CTPS2: variants seen among roughly 807,000 people sequenced by gnomAD.
The protein encoded by CTPS2 is CTP synthase II.
A neutral mutation model predicts 46.8 loss-of-function variants in CTPS2; 19 were observed. The ratio of observed to expected loss-of-function variants is 0.41; its 90% confidence interval spans 0.28 to 0.60. The LOEUF (loss-of-function observed/expected upper bound fraction) is 0.60. Ranked by LOEUF, CTPS2 falls within the 20% of genes least tolerant of loss-of-function variation. CTPS2 has a pLI of 0.35. For missense variants in CTPS2, 286 were observed against 447.6 expected, an observed-to-expected ratio of 0.64 and a Z score of 3.26; for synonymous variants, 151 against 165.2, an observed-to-expected ratio of 0.91 and a Z score of 0.66.
chrX:16,696,110 G>A (rs1452728297), intron 4 of CTPS2, among the ~76,000 whole-genome samples: 1 of 112,204 alleles, frequency 8.9e-6, no homozygotes, highest in Non-Finnish European at 1.9e-5. Context: ...AAGATAACTC[G>A]TACTAATATA....
At chrX:16,695,906 A>G (rs1422130176) in intron 4 of CTPS2, among the ~76,000 whole-genome samples, 1 of 110,836 alleles carries the variant, frequency 9.0e-6, no homozygotes, top group Non-Finnish European at 1.9e-5. Context: ...GCTGGAGTGC[A>G]GTAGTGAGAT....
intron 10 of CTPS2, among the ~76,000 whole-genome samples, chrX:16,674,671 T>C (rs1453067048): frequency 9.5e-6 from 1 of 104,995 alleles, no homozygotes; most frequent in Middle Eastern, 5.0e-3. Context: ...ACCCCGTCTC[T>C]ACTAAAAATA....
chrX:16,646,313 C>T (rs1291953169), intron 13 of CTPS2, among the ~76,000 whole-genome samples: 1 of 112,406 alleles, frequency 8.9e-6, no homozygotes, highest in African/African-American at 3.2e-5. Flanking sequence ...TGAGCAGGTC[C>T]TTGGATGTCT....
chrX:16,669,694 A>G (rs1178747181), intron 11 of CTPS2, among the ~76,000 whole-genome samples: 3 of 110,181 alleles, frequency 2.7e-5, no homozygotes, highest in African/African-American at 9.9e-5. Flanking sequence ...CTAAGAAGCT[A>G]ATCAAAGAGC....
intron 14 of CTPS2, among the ~76,000 whole-genome samples, chrX:16,620,629 C>T (rs1255259497): frequency 1.8e-5 from 2 of 112,458 alleles, no homozygotes. Context: ...TATACACCTG[C>T]CTGCAGGACT....
chrX:16,605,447 C>T (rs183536223), intron 17 of CTPS2, among the ~76,000 whole-genome samples: 15 of 111,778 alleles, frequency 1.3e-4, no homozygotes, highest in Admixed American at 5.7e-4. Flanking sequence ...TAAGGCCGGT[C>T]GCGGTGGCTC....
At chrX:16,655,573 G>A (rs1932797626) in intron 13 of CTPS2, among the ~76,000 whole-genome samples, 2 of 111,217 alleles carry the variant, frequency 1.8e-5, no homozygotes, top group Non-Finnish European at 3.8e-5. Flanking sequence ...CCCCTTACCA[G>A]ATAAGAGTTC....
chrX:16,596,980 C>T (rs1394142864), intron 17 of CTPS2, among the ~76,000 whole-genome samples: 204 of 106,408 alleles, frequency 1.9e-3, no homozygotes, highest in Non-Finnish European at 3.1e-3. Flanking sequence ...TTTTTGGCTG[C>T]ATAAATGTCT....
chrX:16,648,417 C>T (rs752295763), intron 13 of CTPS2, among the ~76,000 whole-genome samples: 2 of 111,765 alleles, frequency 1.8e-5, no homozygotes, highest in Non-Finnish European at 3.8e-5. Flanking sequence ...TGAATCTAGT[C>T]GAAAGGCAGA....
chrX:16,588,055 G>T lies in CTPS2; in HGVS notation c.*1762C>A, dbSNP rs1244894749. The stretch of plus-strand genomic sequence containing the variant: ...CAGCCATAGAAAGGAATGAAATTCT[G>T]ACACATGCTACAACATGGGTAAACC... On this transcript the variant is annotated 3_prime_UTR_variant, in exon 19 of 19. Transcript: ENST00000359276. 4 of 112,224 alleles carry T rather than the reference G, an allele frequency of 3.6e-5. No homozygotes were observed. The highest frequency in any genetic ancestry group is 5.6e-5 in the Non-Finnish European group (3 of 53,273). 9.2% of individuals were successfully genotyped at this position (112,224 alleles called of 1,213,427 possible).
chrX:16,593,345 C>T (rs945192934), intron 17 of CTPS2, among the ~76,000 whole-genome samples: 3 of 103,819 alleles, frequency 2.9e-5, no homozygotes, highest in East Asian at 3.1e-4. Flanking sequence ...AGGAGAATGG[C>T]GTGAACCCGG....
chrX:16,601,579 G>T (rs527965145), intron 17 of CTPS2, among the ~76,000 whole-genome samples: 18 of 105,601 alleles, frequency 1.7e-4, no homozygotes, highest in Non-Finnish European at 7.8e-5. Flanking sequence ...CATCGGGGGG[G>T]GGGGGGTTTA....
intron 13 of CTPS2, among the ~76,000 whole-genome samples, chrX:16,641,204 C>T (rs766352150): frequency 1.8e-5 from 2 of 112,052 alleles, no homozygotes; most frequent in South Asian, 7.5e-4. Flanking sequence ...AGAAGTCCTA[C>T]GTGTATTCAG....
intron 13 of CTPS2, among the ~76,000 whole-genome samples, chrX:16,661,089 G>T (rs1344196580): frequency 9.0e-6 from 1 of 110,524 alleles, no homozygotes; most frequent in East Asian, 2.8e-4. Context: ...CCTCCCAGTA[G>T]CTGGGATTAC....
intron 10 of CTPS2, among the ~76,000 whole-genome samples, chrX:16,677,945 T>A (rs1025087571): frequency 8.9e-6 from 1 of 111,804 alleles, no homozygotes; most frequent in African/African-American, 3.2e-5. Flanking sequence ...GCTTGTGGAG[T>A]AGCCATTCTT....
intron 2 of CTPS2, among the ~76,000 whole-genome samples, chrX:16,701,874 C>T (rs749850239): frequency 5.4e-5 from 6 of 111,301 alleles, no homozygotes; most frequent in African/African-American, 1.6e-4. Flanking sequence ...GCTAGGATTA[C>T]AGGCGTGAGC....
At chrX:16,628,308 G>A (rs943187631) in intron 14 of CTPS2, among the ~76,000 whole-genome samples, 4 of 111,194 alleles carry the variant, frequency 3.6e-5, no homozygotes, top group South Asian at 3.8e-4. Context: ...TGAAAAATGC[G>A]TCTTTGCTTT....
rs4319252 is a variant in CTPS2, at chrX:16,686,912, A to T, written c.872+2538T>A. Among the ~76,000 whole-genome samples the T allele has an allele frequency of 2.4e-4, 26 of 110,419 alleles. No individual in the cohort carries two copies. The South Asian group carries it at 9.3e-3, about 40-fold the overall frequency. On this transcript the variant is annotated intron_variant, in intron 8 of 18. Transcript: ENST00000359276. ...GAGTGAGACTCCATCTCAAAAAAAA[A>T]AAAATAAATAAGGAAATAAAAGATG...
chrX:16,599,483 T>C (rs1456472725), intron 17 of CTPS2, among the ~76,000 whole-genome samples: 2 of 104,975 alleles, frequency 1.9e-5, no homozygotes, highest in African/African-American at 7.0e-5. Context: ...TTTCTTTTTT[T>C]TTTTTTTTTT....
Sources: gnomAD v4.1 joint callset for allele counts (sites outside exome capture counted in the v4.1 genomes callset) on GRCh38, gnomAD v4.1.1 for gene constraint, MANE v1.5 for transcripts, NCBI Gene and HGNC (gene_info 2026-07-23, HGNC 2026-07-21) for gene names.